The following CTNNA3 variants were observed in gnomAD, a reference collection of about 807,000 sequenced individuals.
CTNNA3 encodes catenin alpha 3.
In CTNNA3, 76 loss-of-function variants were observed where a neutral mutation model predicts 95.7. The ratio of observed to expected loss-of-function variants is 0.79; its 90% CI spans 0.66 to 0.96. The LOEUF (loss-of-function observed/expected upper bound fraction) is 0.96, where lower values mean the gene tolerates loss of function less well. Ranked by LOEUF, CTNNA3 falls within the 40% of genes least tolerant of loss-of-function variation. CTNNA3 has a pLI of 0.00. For missense variants in CTNNA3, 1,191 were observed against 1,089.8 expected, an observed-to-expected ratio of 1.09 and a Z score of -1.31; for synonymous variants, 431 against 374.4, an observed-to-expected ratio of 1.15 and a Z score of -1.74.
At chr10:66,169,394 A>G (rs996698151) in intron 13 of CTNNA3, among the ~76,000 whole-genome samples, 3 of 152,132 alleles carry the variant, frequency 2.0e-5, no homozygotes, top group Non-Finnish European at 4.4e-5. Context: ...TCCATTGTAT[A>G]TAATAGTTTC....
At chr10:67,726,507 T>C (rs1315888775) in intron 1 of CTNNA3, among the ~76,000 whole-genome samples, 2 of 65,664 alleles carry the variant, frequency 3.0e-5, no homozygotes, top group African/African-American at 6.7e-5. Flanking sequence ...ATATAATATA[T>C]TATATATTAT....
At chr10:66,332,961 T>C (rs2092349114) in intron 12 of CTNNA3, among the ~76,000 whole-genome samples, 1 of 152,010 alleles carries the variant, frequency 6.6e-6, no homozygotes. Context: ...CTTGGGAGGG[T>C]GTATGTGTCT....
chr10:66,146,384 A>G (rs1398335648), intron 13 of CTNNA3, among the ~76,000 whole-genome samples: 1 of 152,174 alleles, frequency 6.6e-6, no homozygotes, highest in Non-Finnish European at 1.5e-5. Context: ...TAGATACTTT[A>G]TTTAACAGGA....
intron 6 of CTNNA3, among the ~76,000 whole-genome samples, chr10:67,181,738 G>T (rs1442539470): frequency 6.6e-6 from 1 of 151,768 alleles, no homozygotes; most frequent in East Asian, 1.9e-4. Context: ...TAAATATTTG[G>T]GGATTGAAAG....
intron 9 of CTNNA3, among the ~76,000 whole-genome samples, chr10:66,706,235 C>A (rs533285566): frequency 6.6e-6 from 1 of 152,136 alleles, no homozygotes; most frequent in East Asian, 1.9e-4. Flanking sequence ...CTGTCTCCTT[C>A]CATCCTTCAT....
At position 66,103,149 on chromosome 10, in the gene CTNNA3, T is replaced by A; in HGVS notation, c.1977+8A>T. ...TACATGGTTCTCCCACCAGTTGAAGTGACATACCCTATCAGTTTTCCCTTC... is the reference window on the plus strand; with the variant it reads ...TACATGGTTCTCCCACCAGTTGAAGAGACATACCCTATCAGTTTTCCCTTC... On this transcript the variant is annotated splice_region_variant and intron_variant, in intron 14 of 17. Coordinates refer to ENST00000433211, the MANE Select transcript of CTNNA3 (RefSeq NM_013266.4). 6.2e-7 allele frequency: 1 copy of A among 1,609,210 alleles called. No homozygotes were observed. The highest frequency in any genetic ancestry group is 8.5e-7 in the Non-Finnish European group (1 of 1,175,504).
intron 17 of CTNNA3, among the ~76,000 whole-genome samples, chr10:65,955,716 C>T (rs201935820): frequency 6.6e-6 from 1 of 152,110 alleles, no homozygotes; most frequent in Non-Finnish European, 1.5e-5. Context: ...GTTGAACCAG[C>T]GTTTCATCCC....
rs534583283 is a variant in CTNNA3, at chr10:67,722,654, C to T, written c.-2+40780G>A. Among the ~76,000 whole-genome samples, 12 of 152,220 alleles carry T rather than the reference C, an allele frequency of 7.9e-5. No individual in the cohort carries two copies. The South Asian group carries it at 2.5e-3, about 32-fold the overall frequency. On this transcript the variant is annotated intron_variant, in intron 1 of 17. Transcript: ENST00000684154. The stretch of plus-strand genomic sequence containing the variant: ...TATGTATCAGAAGCACTAACGCCTC[C>T]AGAAATGCTATCTGAAAGAAATTTG...
chr10:66,360,828 T>TTCCTTC (rs1564897428), intron 12 of CTNNA3, among the ~76,000 whole-genome samples: 6 of 80,330 alleles, frequency 7.5e-5, no homozygotes, highest in African/African-American at 4.1e-4. Flanking sequence ...TTTCTTTCTT[T>TTCCTTC]CTTTCTTTCT....
Position 66,379,187 on chromosome 10 carries a change from C to G in CTNNA3, c.1697G>C (p.Gly566Ala), listed in dbSNP as rs1422468754. 1 of 1,614,000 alleles carries G rather than the reference C, an allele frequency of 6.2e-7. No individual in the cohort carries two copies. Among genetic ancestry groups the G allele is most frequent in the Admixed American group, 1.7e-5 (1 of 59,996 alleles). ...AAGGAAGTTAACATTTCTCATTACA[C>G]CTTCCGTGTAAGCCCCTGGCTCGTA... ...DSYEPGAYTE[G>A]VMRNVNFLTS... Residue 566 changes from glycine (G) to alanine (A), a missense_variant, in exon 12 of 18, where the codon GGT becomes GCT. Coordinates refer to ENST00000433211, the MANE Select transcript of CTNNA3 (RefSeq NM_013266.4).
intron 11 of CTNNA3, among the ~76,000 whole-genome samples, chr10:66,397,561 T>C (rs767830487): frequency 6.6e-6 from 1 of 151,848 alleles, no homozygotes; most frequent in Non-Finnish European, 1.5e-5. Context: ...TTCATTTTAA[T>C]GAGTATTTGC....
At chr10:67,010,440 G>C (rs956537005) in intron 7 of CTNNA3, among the ~76,000 whole-genome samples, 1 of 152,176 alleles carries the variant, frequency 6.6e-6, no homozygotes, top group African/African-American at 2.4e-5. Flanking sequence ...TTGGATTGCT[G>C]ACTTAATGAT....
chr10:66,037,341 T>C (rs1055357564), intron 15 of CTNNA3, among the ~76,000 whole-genome samples: 11 of 152,206 alleles, frequency 7.2e-5, no homozygotes, highest in Non-Finnish European at 1.6e-4. Context: ...TTCAGATTAA[T>C]TCTGATCTCT....
intron 16 of CTNNA3, among the ~76,000 whole-genome samples, chr10:65,970,988 CTT>C (rs533752420): frequency 2.8e-5 from 4 of 141,364 alleles, no homozygotes; most frequent in African/African-American, 5.1e-5. Context: ...TTAAACCTCT[CTT>C]TTTTTTTTTT....
At chr10:66,369,761 C>T (rs570950503) in intron 12 of CTNNA3, among the ~76,000 whole-genome samples, 69 of 152,176 alleles carry the variant, frequency 4.5e-4, no homozygotes, top group South Asian at 6.2e-4. Flanking sequence ...TTTGCTTTTA[C>T]GTCCATGAAG....
At chr10:67,448,594 T>G (rs531670271) in intron 5 of CTNNA3, among the ~76,000 whole-genome samples, 33 of 151,840 alleles carry the variant, frequency 2.2e-4, no homozygotes, top group South Asian at 1.7e-3. Context: ...AATAAACGCT[T>G]TTGGGATAAT....
intron 1 of CTNNA3, among the ~76,000 whole-genome samples, chr10:67,671,623 C>T (rs1395123931): frequency 6.6e-6 from 1 of 150,882 alleles, no homozygotes; most frequent in African/African-American, 2.5e-5. Flanking sequence ...GGTTTTTTGT[C>T]CTTGCGATAG....
chr10:66,986,966 T>C (rs1850763348), intron 7 of CTNNA3, among the ~76,000 whole-genome samples: 1 of 152,136 alleles, frequency 6.6e-6, no homozygotes, highest in Non-Finnish European at 1.5e-5. Flanking sequence ...ATCGTCAGAA[T>C]GGGCCTCACT....
intron 10 of CTNNA3, among the ~76,000 whole-genome samples, chr10:66,576,512 C>T (rs1843008200): frequency 6.6e-6 from 1 of 151,942 alleles, no homozygotes; most frequent in Non-Finnish European, 1.5e-5. Context: ...TCTCCAGAGT[C>T]TTTGTTCCTA....
Sources: gnomAD v4.1 joint callset for allele counts (sites outside exome capture counted in the v4.1 genomes callset) on GRCh38, gnomAD v4.1.1 for gene constraint, MANE v1.5 for transcripts, NCBI Gene and HGNC (gene_info 2026-07-23, HGNC 2026-07-21) for gene names.